KCNH8: variants seen among roughly 807,000 people sequenced by gnomAD.
KCNH8 encodes voltage-gated delayed rectifier potassium channel KCNH8.
KCNH8 carries 70 observed loss-of-function variants against 103.6 expected under a neutral mutation model. The observed-to-expected ratio is 0.68, with a 90% CI of 0.56 to 0.82. The LOEUF is 0.82. Among genes scored for constraint, KCNH8 ranks in the 40% least tolerant of loss-of-function variants. KCNH8 has a pLI of 0.00. For missense variants in KCNH8, 1,217 were observed against 1,329.9 expected, an observed-to-expected ratio of 0.92 and a Z score of 1.32; for synonymous variants, 498 against 489.4, an observed-to-expected ratio of 1.02 and a Z score of -0.23.
chr3:19,348,573 T>C (rs2065758769), intron 5 of KCNH8, among the ~76,000 whole-genome samples: 1 of 152,052 alleles, frequency 6.6e-6, no homozygotes, highest in African/African-American at 2.4e-5. Flanking sequence ...GTAAGCCTTT[T>C]CCTATTTTCC....
At chr3:19,465,242 G>A (rs549170383) in intron 11 of KCNH8, among the ~76,000 whole-genome samples, 19 of 152,222 alleles carry the variant, frequency 1.2e-4, no homozygotes, top group Admixed American at 1.2e-3. Flanking sequence ...TTAAGTTGAG[G>A]CTAATGCTCA....
At chr3:19,469,611 C>T (rs2067813709) in intron 11 of KCNH8, among the ~76,000 whole-genome samples, 1 of 151,980 alleles carries the variant, frequency 6.6e-6, no homozygotes, top group Non-Finnish European at 1.5e-5. Context: ...TTTTTATATT[C>T]TGAAACTTTC....
chr3:19,362,694 C>T (rs1479341836), intron 5 of KCNH8, among the ~76,000 whole-genome samples: 2 of 152,148 alleles, frequency 1.3e-5, no homozygotes. Context: ...GACAAGGTCT[C>T]ACTCTGTCAT....
Position 19,395,297 on chromosome 3 carries a change from T to C in KCNH8, c.1163T>C (p.Leu388Pro). The C allele has an allele frequency of 6.2e-7, 1 of 1,610,294 alleles. No individual in the cohort carries two copies. The highest frequency in any genetic ancestry group is 1.7e-5 in the Admixed American group (1 of 59,532). The change falls in exon 7 of 16, where the codon CTG becomes CCG. Residue 388 changes from leucine (L) to proline (P), a missense_variant. This residue lies in a region of KCNH8 where 415 missense variants were observed against 577.4 expected (regional missense o/e 0.72). Coordinates refer to ENST00000328405, the MANE Select transcript of KCNH8 (RefSeq NM_144633.3). ...ATGGAGAGGGAAGACAACAGCCTTC[T>C]GAAGTGGGAAGTTGGTAAGGGCTTA... ...GKMEREDNSL[L>P]KWEVGWLHEL...
intron 8 of KCNH8, among the ~76,000 whole-genome samples, chr3:19,448,560 T>A (rs973795912): frequency 1.3e-5 from 2 of 152,048 alleles, no homozygotes; most frequent in African/African-American, 4.8e-5. Context: ...TAATTTCTGA[T>A]AAATGTAGGG....
At chr3:19,502,360 C>T (rs1172192859) in intron 11 of KCNH8, among the ~76,000 whole-genome samples, 1 of 149,734 alleles carries the variant, frequency 6.7e-6, no homozygotes, top group Non-Finnish European at 1.5e-5. Flanking sequence ...AGGTAATTTA[C>T]AGATTCAATG....
chr3:19,487,161 A>G (rs915411493), intron 11 of KCNH8, among the ~76,000 whole-genome samples: 2 of 152,188 alleles, frequency 1.3e-5, no homozygotes, highest in Admixed American at 6.5e-5. Context: ...AGCCGGGTCC[A>G]AGTGTACTGA....
intron 1 of KCNH8, among the ~76,000 whole-genome samples, chr3:19,202,607 T>G (rs1175105792): frequency 1.3e-5 from 2 of 152,082 alleles, no homozygotes; most frequent in Non-Finnish European, 2.9e-5. Context: ...ATATGAGAAA[T>G]TATGCTTTTG....
At chr3:19,390,349 C>G in intron 5 of KCNH8, 132 bp from the exon 6 acceptor site, 510 of 576,554 alleles carry the variant, frequency 8.8e-4, no homozygotes, top group Non-Finnish European at 1.1e-3. Context: ...CTACGATTTT[C>G]TTCCTCCCTT....
chr3:19,195,336 T>G (rs971527930), intron 1 of KCNH8, among the ~76,000 whole-genome samples: 3 of 151,934 alleles, frequency 2.0e-5, no homozygotes, highest in Non-Finnish European at 4.4e-5. Flanking sequence ...TTCTGACTTT[T>G]TAGAAGGGAT....
rs116829113 is a variant in KCNH8, at chr3:19,213,881, T to A, written c.77-39773T>A. On this transcript the variant is annotated intron_variant, in intron 1 of 15. Transcript: ENST00000328405. ...AGTGAAGTCTACTCCAGTATCAAGG[T>A]CAAAACACAGTCCCTCTGCAAGCCT... Among the ~76,000 whole-genome samples, 867 of 152,192 alleles carry A rather than the reference T, an allele frequency of 5.7e-3. 6 individuals carry two copies. The highest frequency in any genetic ancestry group is 0.02 in the African/African-American group (821 of 41,532).
chr3:19,170,592 A>C (rs978574756), intron 1 of KCNH8, among the ~76,000 whole-genome samples: 2,096 of 143,900 alleles, frequency 0.015, 60 homozygotes, highest in African/African-American at 0.051. Flanking sequence ...ATCTATATAT[A>C]TATATATATA....
At chr3:19,397,405 AG>A (rs2066536257) in intron 7 of KCNH8, among the ~76,000 whole-genome samples, 2 of 151,648 alleles carry the variant, frequency 1.3e-5, no homozygotes, top group South Asian at 2.1e-4. Context: ...AATGTGAAAA[AG>A]CTCACCATAT....
At chr3:19,400,239 A>G (rs2066591899) in intron 7 of KCNH8, among the ~76,000 whole-genome samples, 1 of 149,910 alleles carries the variant, frequency 6.7e-6, no homozygotes, top group Non-Finnish European at 1.5e-5. Flanking sequence ...AGCAAAAAAA[A>G]AAAAAAAAAA....
intron 8 of KCNH8, among the ~76,000 whole-genome samples, chr3:19,445,442 T>A (rs1575074830): frequency 6.6e-6 from 1 of 151,922 alleles, no homozygotes; most frequent in Non-Finnish European, 1.5e-5. Flanking sequence ...AAAATCTCAA[T>A]GAGCTTCACA....
chr3:19,386,696 A>G (rs2066362178), intron 5 of KCNH8, among the ~76,000 whole-genome samples: 1 of 152,180 alleles, frequency 6.6e-6, no homozygotes, highest in East Asian at 1.9e-4. Context: ...AATATACTTT[A>G]TATATTTTTC....
intron 1 of KCNH8, among the ~76,000 whole-genome samples, chr3:19,195,500 T>C (rs1461591901): frequency 6.6e-6 from 1 of 151,984 alleles, no homozygotes; most frequent in African/African-American, 2.4e-5. Flanking sequence ...AGAGAACTTC[T>C]TGGGTCTCAA....
At chr3:19,410,299 G>T (rs1293964609) in intron 7 of KCNH8, among the ~76,000 whole-genome samples, 1 of 152,024 alleles carries the variant, frequency 6.6e-6, no homozygotes, top group Non-Finnish European at 1.5e-5. Context: ...TGACTTTTGG[G>T]TGAACAAAGA....
At chr3:19,462,246 A>G (rs979751239) in intron 11 of KCNH8, among the ~76,000 whole-genome samples, 7 of 152,212 alleles carry the variant, frequency 4.6e-5, no homozygotes, top group African/African-American at 1.7e-4. Context: ...GAACTAGTTT[A>G]CAGTCACACC....
Sources: allele counts gnomAD v4.1 joint callset (sites outside exome capture counted in the v4.1 genomes callset), GRCh38; gene constraint gnomAD v4.1.1; regional missense constraint gnomAD v4.1.1; transcripts MANE v1.5; gene names NCBI Gene and HGNC (gene_info 2026-07-23, HGNC 2026-07-21).